CREB1: variants seen among roughly 807,000 people sequenced by gnomAD.
CREB1 encodes cAMP responsive element binding protein 1.
In CREB1, 2 loss-of-function variants were observed where a neutral mutation model predicts 42.0. That is an observed-to-expected ratio of 0.05 (90% confidence interval 0.02 to 0.15). The LOEUF (loss-of-function observed/expected upper bound fraction) is 0.15, where lower values mean the gene tolerates loss of function less well. CREB1 is among the 10% of genes least tolerant of loss of function. CREB1 has a pLI of 1.00. For synonymous variants in CREB1, 123 were observed against 139.9 expected (o/e 0.88, Z 0.85); for missense variants, 199 against 388.9 (o/e 0.51, Z 4.11).
Position 207,603,065 on chromosome 2 carries a change from C to CT in CREB1, c.*6008dup, listed in dbSNP as rs2087364886. 1 of 211,934 alleles carries CT rather than the reference C, an allele frequency of 4.7e-6. No individual in the cohort carries two copies. Among genetic ancestry groups the CT allele is most frequent in the East Asian group, 7.2e-5 (1 of 13,950 alleles). The allele number at this position is 211,934 out of a possible 1,614,324, so 13.1% of individuals were successfully genotyped here. ...CAAAACAGGGTATTGATTTTTAACT[C>CT]TGATGTTTCTATTGGAGTTGAATAC... On this transcript the variant is annotated 3_prime_UTR_variant, in exon 8 of 8. Coordinates refer to ENST00000353267, the MANE Select transcript of CREB1 (RefSeq NM_004379.5).
Position 207,603,517 on chromosome 2 carries a change from A to ACG in CREB1, c.*6459_*6460insCG, listed in dbSNP as rs1300548316. On this transcript the variant is annotated 3_prime_UTR_variant, in exon 8 of 8. Transcript: ENST00000353267. ...TGTGAAGCCATGTTTTATTGGACTTAAAGTTACAATATATTACAAGCTTGT... is the reference window on the plus strand; with the variant it reads ...TGTGAAGCCATGTTTTATTGGACTTACGAAGTTACAATATATTACAAGCTTGT... 4.5e-6 allele frequency: 1 copy of ACG among 224,200 alleles called. No individual in the cohort carries two copies. Among genetic ancestry groups the ACG allele is most frequent in the African/African-American group, 2.2e-5 (1 of 44,818 alleles). 13.9% of individuals were successfully genotyped at this position (224,200 alleles called of 1,614,324 possible). A position where few individuals can be genotyped will look rare whatever the true frequency, so the allele number is the denominator to read the frequency against.
chr2:207,581,914 A>G (rs755862387), intron 7 of CREB1: 13 of 702,818 alleles, frequency 1.8e-5, no homozygotes, highest in Admixed American at 6.0e-5. Flanking sequence ...TTTCTTTTAG[A>G]ATATCCCTCA....
chr2:207,577,313 T>TA, intron 6 of CREB1, 192 bp from the exon 7 acceptor site: 8 of 1,024,138 alleles, frequency 7.8e-6, no homozygotes, highest in Non-Finnish European at 8.1e-6. Context: ...CTGTAATAAA[T>TA]ACATTACATT....
chr2:207,563,770 G>A (rs1178217595), intron 3 of CREB1, among the ~76,000 whole-genome samples: 1 of 151,926 alleles, frequency 6.6e-6, no homozygotes, highest in East Asian at 1.9e-4. Flanking sequence ...ATGGCAAAAC[G>A]CCATCTCTAC....
chr2:207,597,642 A>C lies in CREB1; in HGVS notation c.*584A>C, dbSNP rs1041504046. 11 of 207,070 alleles carry C rather than the reference A, an allele frequency of 5.3e-5. No homozygotes were observed. Among genetic ancestry groups the C allele is most frequent in the African/African-American group, 1.8e-4 (8 of 43,912 alleles). The allele number at this position is 207,070 out of a possible 1,614,324, so 12.8% of individuals were successfully genotyped here. ...AATGAATTTGGAGTGCTTTTTATGT[A>C]TGTTGTCTTCTTCAATACTGAAAAT... On this transcript the variant is annotated 3_prime_UTR_variant, in exon 8 of 8. Transcript: ENST00000353267.
At chr2:207,576,630 G>C in intron 6 of CREB1, 1 of 1,270,246 alleles carries the variant, frequency 7.9e-7, no homozygotes, top group Non-Finnish European at 1.0e-6. Flanking sequence ...TTTACATGCA[G>C]GTACTCAAAA....
chr2:207,558,573 T>G (rs2081825763), intron 2 of CREB1, among the ~76,000 whole-genome samples: 1 of 152,112 alleles, frequency 6.6e-6, no homozygotes, highest in Non-Finnish European at 1.5e-5. Context: ...CTTCATGGGC[T>G]TTCTTCGTTG....
chr2:207,552,042 C>CAAAAAA lies in CREB1; in HGVS notation c.-8-3566_-8-3561dup, dbSNP rs71036931. 1.6e-4 allele frequency among the ~76,000 whole-genome samples: 11 copies of CAAAAAA among 69,918 alleles called. 1 individual carries two copies. Among genetic ancestry groups the CAAAAAA allele is most frequent in the Admixed American group, 2.1e-4 (1 of 4,740 alleles). 45.9% of individuals were successfully genotyped at this position (69,918 alleles called of 152,430 possible). A position where few individuals can be genotyped will look rare whatever the true frequency, so the allele number is the denominator to read the frequency against. ...GGGCAACAAGAGCGAAACTCCGTCTCAAAAAAAAAAAAAAAAAAAAAAAAA... is the reference window on the plus strand; with the variant it reads ...GGGCAACAAGAGCGAAACTCCGTCTCAAAAAAAAAAAAAAAAAAAAAAAAAAAAAAA... On this transcript the variant is annotated intron_variant, in intron 1 of 7. Coordinates refer to ENST00000353267, the MANE Select transcript of CREB1 (RefSeq NM_004379.5).
At chr2:207,538,717 T>C (rs1490527885) in intron 1 of CREB1, among the ~76,000 whole-genome samples, 2 of 152,232 alleles carry the variant, frequency 1.3e-5, no homozygotes, top group Non-Finnish European at 2.9e-5. Flanking sequence ...GTAGAGTGGA[T>C]CTGAAAGTTG....
chr2:207,591,426 T>G (rs554605792), intron 7 of CREB1, among the ~76,000 whole-genome samples: 4 of 152,238 alleles, frequency 2.6e-5, no homozygotes, highest in East Asian at 1.9e-4. Context: ...CCAGTTGGTT[T>G]GTTTTGTTTT....
In CREB1 at chr2:207,598,176, A is replaced by C. The variant is rs1375803777; in HGVS notation, c.*1118A>C. On this transcript the variant is annotated 3_prime_UTR_variant, in exon 8 of 8. Coordinates refer to ENST00000353267, the MANE Select transcript of CREB1 (RefSeq NM_004379.5). ...TCTAGTGAATTTTTTAAATGAAAGA[A>C]GTTGTAAGGATATAAAAAGTACAGT... 1 of 181,302 alleles carries C rather than the reference A, an allele frequency of 5.5e-6. No homozygotes were observed. Among genetic ancestry groups the C allele is most frequent in the Non-Finnish European group, 1.2e-5 (1 of 84,986 alleles). The allele number at this position is 181,302 out of a possible 1,614,324, so 11.2% of individuals were successfully genotyped here.
intron 1 of CREB1, among the ~76,000 whole-genome samples, chr2:207,546,397 G>A (rs1458421809): frequency 6.6e-6 from 1 of 152,082 alleles, no homozygotes; most frequent in Non-Finnish European, 1.5e-5. Flanking sequence ...TGTAGAATGT[G>A]CAACACCAAG....
Position 207,602,011 on chromosome 2 carries a change from TATC to T in CREB1, c.*4956_*4958del, listed in dbSNP as rs1485897516. 4 of 206,046 alleles carry T rather than the reference TATC, an allele frequency of 1.9e-5. No individual in the cohort carries two copies. The highest frequency in any genetic ancestry group is 1.9e-4 in the South Asian group (1 of 5,284). The allele number at this position is 206,046 out of a possible 1,614,324, so 12.8% of individuals were successfully genotyped here. A position where few individuals can be genotyped will look rare whatever the true frequency, so the allele number is the denominator to read the frequency against. The stretch of plus-strand genomic sequence containing the variant: ...GCATTAATCTTTGAGGGGCTGAACA[TATC>T]ATGAAGCTGAGTCAGTATGGAAAAT... On this transcript the variant is annotated 3_prime_UTR_variant, in exon 8 of 8. Coordinates refer to ENST00000353267, the MANE Select transcript of CREB1 (RefSeq NM_004379.5).
chr2:207,568,404 G>A (rs1048082506), intron 4 of CREB1, among the ~76,000 whole-genome samples: 2 of 151,912 alleles, frequency 1.3e-5, no homozygotes, highest in Non-Finnish European at 2.9e-5. Flanking sequence ...TTTAAGTATA[G>A]CTAGTGTTAG....
chr2:207,565,366 T>A (rs2106513349), intron 3 of CREB1, among the ~76,000 whole-genome samples: 1 of 152,322 alleles, frequency 6.6e-6, no homozygotes, highest in African/African-American at 2.4e-5. Context: ...AAAGAGGAAG[T>A]GTTGTGTTTA....
chr2:207,546,950 A>T (rs559848882), intron 1 of CREB1, among the ~76,000 whole-genome samples: 19 of 152,366 alleles, frequency 1.2e-4, no homozygotes, highest in African/African-American at 4.1e-4. Context: ...AATAGTCCAC[A>T]TAGTTCCATT....
chr2:207,535,965 C>T (rs1047366256), intron 1 of CREB1, among the ~76,000 whole-genome samples: 1 of 151,888 alleles, frequency 6.6e-6, no homozygotes, highest in Admixed American at 6.6e-5. Context: ...GGACAACAGG[C>T]GCGCACCACC....
At chr2:207,590,119 G>T (rs1349802141) in intron 7 of CREB1, among the ~76,000 whole-genome samples, 31 of 144,130 alleles carry the variant, frequency 2.2e-4, no homozygotes, top group African/African-American at 8.1e-4. Flanking sequence ...ATAGATACGG[G>T]ATCATTCAGA....
At chr2:207,584,567 A>G (rs2083479914) in intron 7 of CREB1, among the ~76,000 whole-genome samples, 1 of 151,840 alleles carries the variant, frequency 6.6e-6, no homozygotes, top group African/African-American at 2.4e-5. Flanking sequence ...ACCACGTCTG[A>G]TTTTTTGTAT....
Sources: gnomAD v4.1 joint callset for allele counts (sites outside exome capture counted in the v4.1 genomes callset) on GRCh38, gnomAD v4.1.1 for gene constraint, MANE v1.5 for transcripts, NCBI Gene and HGNC (gene_info 2026-07-23, HGNC 2026-07-21) for gene names.